The following BMPER variants were observed in gnomAD, a reference collection of about 807,000 sequenced individuals.
BMPER encodes BMP binding endothelial regulator.
A neutral mutation model predicts 87.3 loss-of-function variants in BMPER; 45 were observed. The observed-to-expected ratio is 0.52, with a 90% CI of 0.41 to 0.66. The LOEUF (loss-of-function observed/expected upper bound fraction) is 0.66. BMPER is among the 30% of genes least tolerant of loss of function. The pLI is 0.00. For missense variants in BMPER, 784 were observed against 867.5 expected (o/e 0.90, Z 1.21); for synonymous variants, 326 against 316.2 (o/e 1.03, Z -0.33).
upstream of BMPER, chr7:33,905,436 T>TCCCCCCCCCCCCCCC: frequency 1.5e-4 from 3 of 20,336 alleles, no homozygotes; most frequent in South Asian, 5.0e-4. Flanking sequence ...CACCTTGGTC[T>TCCCCCCCCCCCCCCC]CTCCCCCCGC....
chr7:34,085,800 G>C lies in BMPER; in HGVS notation c.1453G>C (p.Ala485Pro), dbSNP rs1386768440. ...WDGDSFVEVM[A>P]APHLKGKLCG... ...TGGAGACAGTTTTGTAGAAGTCATGGCTGCGCCGCATCTCAAGGGCAAGCT... is the reference window on the plus strand; with the variant it reads ...TGGAGACAGTTTTGTAGAAGTCATGCCTGCGCCGCATCTCAAGGGCAAGCT... Residue 485 changes from alanine (A) to proline (P), a missense_variant, in exon 13 of 15, where the codon GCT becomes CCT. By Grantham distance (27) the Ala-to-Pro change is conservative. Coordinates refer to ENST00000649409, the MANE Select transcript of BMPER (RefSeq NM_001365308.1). 2 of 1,614,074 alleles carry C rather than the reference G, an allele frequency of 1.2e-6. No homozygotes were observed. Among genetic ancestry groups the C allele is most frequent in the Non-Finnish European group, 1.7e-6 (2 of 1,180,038 alleles).
In BMPER at chr7:33,959,584, T is replaced by C. The variant is rs1785221886; in HGVS notation, c.320-6895T>C. On this transcript the variant is annotated intron_variant, in intron 3 of 14. Transcript: ENST00000649409. ...CAATAGGCACTCCCATATTTAGAAG[T>C]GTTTATGCTAAGTAGAGAGCAAATG... Among the ~76,000 whole-genome samples, 3 of 152,210 alleles carry C rather than the reference T, an allele frequency of 2.0e-5. No individual in the cohort carries two copies. The South Asian group carries it at 6.2e-4, about 32-fold the overall frequency.
In BMPER at chr7:34,009,395, C is replaced by T. The variant is rs115023594; in HGVS notation, c.576+34611C>T. ...ACTCAGATTATGTTTTATGAGGGTG[C>T]TCTATTAGTGGAAGGGAGGACTTGC... On this transcript the variant is annotated intron_variant, in intron 6 of 14. Transcript: ENST00000649409. 7.8e-3 allele frequency among the ~76,000 whole-genome samples: 1,180 copies of T among 151,912 alleles called. 13 individuals carry two copies. Among genetic ancestry groups the T allele is most frequent in the African/African-American group, 0.027 (1,119 of 41,496 alleles).
intron 6 of BMPER, among the ~76,000 whole-genome samples, chr7:33,997,243 A>T (rs192988974): frequency 6.6e-6 from 1 of 152,070 alleles, no homozygotes; most frequent in Admixed American, 6.6e-5. Flanking sequence ...TATTTTTCCA[A>T]GTTAAAGCCA....
chr7:34,051,948 A>C lies in BMPER; in HGVS notation c.764A>C (p.Asn255Thr), dbSNP rs1472989593. Residue 255 changes from asparagine to threonine, a missense_variant, in exon 8 of 15, where the codon AAC becomes ACC. Transcript: ENST00000649409. ...AATGGATCCTCATTTCTGTACGATA[A>C]CTGCACAGCTTGTACCTGCAGGGTA... Reference protein sequence around the residue: ...YDNGSSFLYDNCTACTCRDST... With the variant: ...YDNGSSFLYDTCTACTCRDST... The C allele has an allele frequency of 1.2e-6, 2 of 1,613,596 alleles. No homozygotes were observed. Among genetic ancestry groups the C allele is most frequent in the African/African-American group, 2.7e-5 (2 of 74,890 alleles).
chr7:34,051,979 G>A lies in BMPER; in HGVS notation c.786+9G>A, dbSNP rs376826717. On this transcript the variant is annotated intron_variant, in intron 8 of 14. Transcript: ENST00000649409. ...CAGCTTGTACCTGCAGGGTAAGGCA[G>A]CTCTGAGAGGCTGTGGTCCAGCAAT... is the stretch of plus-strand genomic sequence containing the variant. 1.6e-5 allele frequency: 25 copies of A among 1,599,596 alleles called. No individual in the cohort carries two copies. The highest frequency in any genetic ancestry group is 2.1e-5 in the Non-Finnish European group (24 of 1,166,932).
chr7:34,117,005 A>T (rs2127987976), intron 13 of BMPER, among the ~76,000 whole-genome samples: 1 of 151,952 alleles, frequency 6.6e-6, no homozygotes, highest in South Asian at 2.1e-4. Flanking sequence ...AAAAAAAAAG[A>T]AAAGAAAAAA....
chr7:34,082,587 C>A (rs117993013), intron 12 of BMPER, among the ~76,000 whole-genome samples: 1 of 151,966 alleles, frequency 6.6e-6, no homozygotes, highest in East Asian at 1.9e-4. Flanking sequence ...CTTTGGGGAT[C>A]GTGTTTTATG....
intron 7 of BMPER, among the ~76,000 whole-genome samples, chr7:34,050,853 C>T (rs944009746): frequency 6.6e-6 from 1 of 152,176 alleles, no homozygotes; most frequent in East Asian, 1.9e-4. Context: ...GCCAGTTCTA[C>T]AGAGATACTA....
chr7:34,072,180 G>A (rs977629536), intron 11 of BMPER, among the ~76,000 whole-genome samples: 6 of 152,146 alleles, frequency 3.9e-5, no homozygotes, highest in African/African-American at 1.4e-4. Flanking sequence ...AGGATGAAAG[G>A]GGATACTGAA....
chr7:33,906,301 G>C (rs76222938), intron 1 of BMPER, among the ~76,000 whole-genome samples: 4,316 of 152,260 alleles, frequency 0.028, 140 homozygotes, highest in African/African-American at 0.07. Context: ...AAGAAAATAT[G>C]GAGTCAATTT....
At chr7:34,027,521 A>G (rs1787387748) in intron 6 of BMPER, among the ~76,000 whole-genome samples, 1 of 152,128 alleles carries the variant, frequency 6.6e-6, no homozygotes, top group East Asian at 1.9e-4. Flanking sequence ...AATTGATTGC[A>G]TATTGAAATT....
At chr7:33,993,139 T>C (rs1347374093) in intron 6 of BMPER, among the ~76,000 whole-genome samples, 56 of 127,764 alleles carry the variant, frequency 4.4e-4, no homozygotes, top group African/African-American at 9.8e-4. Context: ...GCGTTCTCTG[T>C]ATTTCCTGAA....
At chr7:34,102,428 A>G (rs990709326) in intron 13 of BMPER, among the ~76,000 whole-genome samples, 2 of 152,184 alleles carry the variant, frequency 1.3e-5, no homozygotes, top group African/African-American at 2.4e-5. Context: ...GGGTCTGTGA[A>G]GATGCAAATC....
In BMPER at chr7:34,055,703, C is replaced by T. The variant is rs538733017; in HGVS notation, c.927+400C>T. On this transcript the variant is annotated intron_variant, in intron 9 of 14. Transcript: ENST00000649409. ...TTTTAGAAGTTTTTCACAAAGCTAC[C>T]TTTGCAAAGAAAAATTTTCTCATTT... Among the ~76,000 whole-genome samples the T allele has an allele frequency of 6.4e-4, 97 of 152,172 alleles. 2 individuals carry two copies. The South Asian group carries it at 0.02, about 31-fold the overall frequency.
intron 6 of BMPER, among the ~76,000 whole-genome samples, chr7:34,011,323 A>T (rs903831392): frequency 1.3e-5 from 2 of 151,872 alleles, no homozygotes; most frequent in African/African-American, 2.4e-5. Context: ...TTGCTGGTTC[A>T]TAAGGCATAC....
intron 6 of BMPER, among the ~76,000 whole-genome samples, chr7:34,024,383 CA>C (rs1562695180): frequency 2.8e-4 from 2 of 7,248 alleles, no homozygotes; most frequent in African/African-American, 1.1e-3. Context: ...AAAAAAAAAA[CA>C]ATATATATAT....
chr7:33,934,764 T>C (rs1784563639), intron 2 of BMPER, among the ~76,000 whole-genome samples: 1 of 152,212 alleles, frequency 6.6e-6, no homozygotes, highest in African/African-American at 2.4e-5. Context: ...TCTCTGTATC[T>C]GAAGATTCTT....
At chr7:34,031,943 C>CACACAT (rs1419961368) in intron 6 of BMPER, among the ~76,000 whole-genome samples, 1,197 of 116,834 alleles carry the variant, frequency 0.01, 16 homozygotes, top group South Asian at 0.014. Flanking sequence ...CACACACACA[C>CACACAT]ATATATATAC....
Sources: gnomAD v4.1 joint callset for allele counts (sites outside exome capture counted in the v4.1 genomes callset) on GRCh38, gnomAD v4.1.1 for gene constraint, MANE v1.5 for transcripts, NCBI Gene and HGNC (gene_info 2026-07-23, HGNC 2026-07-21) for gene names.